Variants in PRICKLE2 observed in about 807,000 individuals in gnomAD.
The protein encoded by PRICKLE2 is prickle planar cell polarity protein 2.
PRICKLE2 carries 21 observed loss-of-function variants against 81.4 expected under a neutral mutation model. The observed-to-expected ratio is 0.26, with a 90% CI of 0.18 to 0.37. PRICKLE2 has a LOEUF of 0.37. Among genes scored for constraint, PRICKLE2 ranks in the 10% least tolerant of loss-of-function variants. PRICKLE2 has a pLI of 1.00. For missense variants in PRICKLE2, 940 were observed against 1,109.0 expected, an observed-to-expected ratio of 0.85 and a Z score of 2.16; for synonymous variants, 456 against 421.5, an observed-to-expected ratio of 1.08 and a Z score of -1.00.
upstream of PRICKLE2, among the ~76,000 whole-genome samples, chr3:64,228,470 C>T (rs1363667160): frequency 6.6e-6 from 1 of 151,928 alleles, no homozygotes; most frequent in East Asian, 1.9e-4. Context: ...ATTAAAATTA[C>T]AAAATCCACA....
chr3:64,168,932 A>G (rs1177780233), intron 2 of PRICKLE2, among the ~76,000 whole-genome samples: 3 of 152,200 alleles, frequency 2.0e-5, no homozygotes, highest in Admixed American at 1.3e-4. Context: ...GTCTTTCCAC[A>G]ACACCATGGC....
intron 7 of PRICKLE2, among the ~76,000 whole-genome samples, chr3:64,113,448 T>C (rs830355): frequency 0.77 from 117,053 of 152,028 alleles, 46,869 homozygotes; most frequent in South Asian, 0.88. Context: ...GCCCACAGCA[T>C]AGCTTCTGTG....
chr3:64,200,138 C>T (rs1214150189), intron 1 of PRICKLE2: 1 of 152,180 alleles, frequency 6.6e-6, no homozygotes, highest in Non-Finnish European at 1.5e-5. Context: ...TCCCTCTGCC[C>T]CCAGGCTCTA....
chr3:64,110,042 A>G (rs1406965430), intron 7 of PRICKLE2, among the ~76,000 whole-genome samples: 1 of 152,262 alleles, frequency 6.6e-6, no homozygotes, highest in Non-Finnish European at 1.5e-5. Context: ...GGAGGAAACC[A>G]GGAAGGGACA....
chr3:64,217,831 A>C (rs571108960), intron 1 of PRICKLE2, among the ~76,000 whole-genome samples: 2 of 152,336 alleles, frequency 1.3e-5, no homozygotes, highest in African/African-American at 4.8e-5. Flanking sequence ...CATACTAATC[A>C]TATGGTCAGG....
intron 2 of PRICKLE2, among the ~76,000 whole-genome samples, chr3:64,258,664 A>G (rs1409475565): frequency 4.6e-5 from 7 of 151,594 alleles, no homozygotes; most frequent in African/African-American, 1.7e-4. Context: ...ACTTAAAAAA[A>G]GAAAAAAAAA....
intron 7 of PRICKLE2, among the ~76,000 whole-genome samples, chr3:64,118,685 G>A (rs932690144): frequency 4.0e-5 from 6 of 151,194 alleles, no homozygotes; most frequent in African/African-American, 1.5e-4. Flanking sequence ...TTACTAAAAA[G>A]GCAAAAAATT....
At chr3:64,152,593 G>A (rs904356535) in intron 6 of PRICKLE2, among the ~76,000 whole-genome samples, 1 of 151,586 alleles carries the variant, frequency 6.6e-6, no homozygotes, top group African/African-American at 2.4e-5. Context: ...AAGCCACTGG[G>A]TTTCCTTGAC....
chr3:64,187,845 C>T (rs563517714), intron 2 of PRICKLE2, among the ~76,000 whole-genome samples: 3 of 152,206 alleles, frequency 2.0e-5, no homozygotes, highest in African/African-American at 4.8e-5. Context: ...GGCACTGTGG[C>T]CCCAGCCGGG....
Position 64,137,537 on chromosome 3 carries a change from C to G in PRICKLE2, c.1660+9293G>C, listed in dbSNP as rs556878829. 2.9e-3 allele frequency among the ~76,000 whole-genome samples: 438 copies of G among 152,256 alleles called. 2 individuals carry two copies. The highest frequency in any genetic ancestry group is 0.027 in the Middle Eastern group (8 of 294). On this transcript the variant is annotated intron_variant, in intron 7 of 7. Transcript: ENST00000638394. Reference sequence around the variant, plus strand: ...GGAGGTTATAAATAAGACTTTTGAACAGTTATCAAAAACCAGGACACTGGA... The same window carrying G: ...GGAGGTTATAAATAAGACTTTTGAAGAGTTATCAAAAACCAGGACACTGGA...
chr3:64,255,373 A>C (rs2107184070), intron 2 of PRICKLE2, among the ~76,000 whole-genome samples: 1 of 152,310 alleles, frequency 6.6e-6, no homozygotes, highest in South Asian at 2.1e-4. Context: ...GCCCTGATTC[A>C]GTTTTTACAG....
At chr3:64,243,626 G>A (rs1469867864) in intron 2 of PRICKLE2, among the ~76,000 whole-genome samples, 3 of 152,166 alleles carry the variant, frequency 2.0e-5, no homozygotes, top group Non-Finnish European at 4.4e-5. Flanking sequence ...GTGTAAAATG[G>A]GGACAGATAA....
At chr3:64,168,435 C>T (rs1261853457) in intron 2 of PRICKLE2, among the ~76,000 whole-genome samples, 2 of 152,168 alleles carry the variant, frequency 1.3e-5, no homozygotes, top group African/African-American at 4.8e-5. Context: ...TTCTGTTGGG[C>T]CGCATTCAAA....
intron 2 of PRICKLE2, among the ~76,000 whole-genome samples, chr3:64,168,792 T>A (rs568386559): frequency 6.6e-6 from 1 of 152,250 alleles, no homozygotes; most frequent in East Asian, 1.9e-4. Flanking sequence ...AGATTCCCAA[T>A]AGGTCTGCGT....
rs981377924 is a variant in PRICKLE2, at chr3:64,097,620, C to T, written c.*1431G>A. 1.3e-5 allele frequency: 2 copies of T among 152,620 alleles called. No individual in the cohort carries two copies. Among genetic ancestry groups the T allele is most frequent in the African/African-American group, 4.8e-5 (2 of 41,456 alleles). The allele number at this position is 152,620 out of a possible 1,614,324, so 9.5% of individuals were successfully genotyped here. ...ACTTTTGAGCCCATTTTCTGACCAA[C>T]AGTCCTCAAAGTTCAAAATGGAAAT... On this transcript the variant is annotated 3_prime_UTR_variant, in exon 8 of 8. Coordinates refer to ENST00000638394, the MANE Select transcript of PRICKLE2 (RefSeq NM_198859.4).
chr3:64,236,317 G>A (rs188632396), intron 2 of PRICKLE2, among the ~76,000 whole-genome samples: 3 of 152,206 alleles, frequency 2.0e-5, no homozygotes, highest in East Asian at 3.9e-4. Flanking sequence ...AATAAATATG[G>A]GTTGAATAAA....
At chr3:64,103,197 G>T (rs373220711) in intron 7 of PRICKLE2, 26 of 152,176 alleles carry the variant, frequency 1.7e-4, no homozygotes, top group African/African-American at 6.3e-4. Flanking sequence ...ACACATTTTT[G>T]GTTGTCACTA....
chr3:64,232,466 A>C (rs1026918753), intron 2 of PRICKLE2, among the ~76,000 whole-genome samples: 1 of 146,662 alleles, frequency 6.8e-6, no homozygotes, highest in African/African-American at 2.5e-5. Context: ...GAAAGGATGG[A>C]GTTCAGCTCA....
chr3:64,117,982 A>G (rs1421792852), intron 7 of PRICKLE2, among the ~76,000 whole-genome samples: 1 of 152,208 alleles, frequency 6.6e-6, no homozygotes, highest in Non-Finnish European at 1.5e-5. Flanking sequence ...CCAAGGCAGG[A>G]TGGTACTGGT....
Sources: allele counts gnomAD v4.1 joint callset (sites outside exome capture counted in the v4.1 genomes callset), GRCh38; gene constraint gnomAD v4.1.1; transcripts MANE v1.5; gene names NCBI Gene and HGNC (gene_info 2026-07-23, HGNC 2026-07-21).